Variants in LARP1B observed in about 807,000 individuals in gnomAD.
LARP1B encodes la-related protein 1B.
Under a neutral mutation model 114.2 loss-of-function variants are expected in LARP1B, and 76 were observed. The observed-to-expected ratio is 0.67, with a 90% CI of 0.55 to 0.81. LARP1B has a LOEUF of 0.81. Among genes scored for constraint, LARP1B ranks in the 30% least tolerant of loss-of-function variants. The pLI is 0.00. For synonymous variants in LARP1B, 345 were observed against 348.0 expected, an observed-to-expected ratio of 0.99 and a Z score of 0.10; for missense variants, 1,014 against 1,075.8, an observed-to-expected ratio of 0.94 and a Z score of 0.80.
chr4:128,199,273 A>G (rs932191619), intron 15 of LARP1B, among the ~76,000 whole-genome samples, 166 bp from the exon 16 acceptor site: 23 of 152,354 alleles, frequency 1.5e-4, no homozygotes, highest in African/African-American at 4.1e-4. Flanking sequence ...TTGAACATAA[A>G]TAGCACTATA....
intron 6 of LARP1B, among the ~76,000 whole-genome samples, chr4:128,217,027 A>T (rs1049435490): frequency 6.6e-6 from 1 of 151,362 alleles, no homozygotes; most frequent in Non-Finnish European, 1.5e-5. Flanking sequence ...CTACGCAAAT[A>T]AACTAGAAAA....
At chr4:128,139,052 A>T (rs941096235) in intron 11 of LARP1B, among the ~76,000 whole-genome samples, 2 of 152,242 alleles carry the variant, frequency 1.3e-5, no homozygotes, top group Non-Finnish European at 2.9e-5. Context: ...TCATTTCAAG[A>T]TCATGGATTA....
chr4:128,221,168 A>G (rs1759996594), intron 7 of LARP1B, among the ~76,000 whole-genome samples: 1 of 152,218 alleles, frequency 6.6e-6, no homozygotes. Flanking sequence ...TTTACAATAT[A>G]TGCTAAATCT....
At chr4:128,104,415 A>C (rs2149766130) in intron 8 of LARP1B, among the ~76,000 whole-genome samples, 1 of 152,162 alleles carries the variant, frequency 6.6e-6, no homozygotes, top group South Asian at 2.1e-4. Context: ...CATTGTATGA[A>C]TATAACAGTT....
At chr4:128,122,414 T>C (rs1788236741) in intron 11 of LARP1B, 3 of 1,490,244 alleles carry the variant, frequency 2.0e-6, no homozygotes, top group Admixed American at 4.6e-5. Context: ...AAAAGAAAAT[T>C]AGTACTCACT....
intron 1 of LARP1B, among the ~76,000 whole-genome samples, chr4:128,063,177 A>G (rs867010010): frequency 6.6e-6 from 1 of 152,114 alleles, no homozygotes; most frequent in Non-Finnish European, 1.5e-5. Context: ...CTGTAATCCC[A>G]GCACTTTGGG....
downstream of LARP1B, among the ~76,000 whole-genome samples, chr4:128,216,569 A>C (rs1335541578): frequency 6.6e-6 from 1 of 150,552 alleles, no homozygotes; most frequent in African/African-American, 2.5e-5. Context: ...AAATGAAGGC[A>C]GAAATAAAGA....
intron 10 of LARP1B, 116 bp downstream of exon 10, chr4:128,114,858 A>C: frequency 1.2e-6 from 1 of 850,556 alleles, no homozygotes; most frequent in Non-Finnish European, 1.8e-6. Flanking sequence ...CACAATTTTA[A>C]CTTTGTAATT....
chr4:128,176,419 G>C (rs543960998), intron 12 of LARP1B, among the ~76,000 whole-genome samples: 3 of 150,758 alleles, frequency 2.0e-5, no homozygotes, highest in African/African-American at 7.3e-5. Context: ...TCAGCCTCCC[G>C]AGTAGCTGGG....
At chr4:128,107,621 G>A in intron 9 of LARP1B, 1 of 1,400,276 alleles carries the variant, frequency 7.1e-7, no homozygotes, top group Non-Finnish European at 9.2e-7. Context: ...GTTTTCCCCT[G>A]TAAAATTGGA....
rs1025818191 is a variant in LARP1B, at chr4:128,115,472, G to A, written c.1161+730G>A. Among the ~76,000 whole-genome samples, 89 of 152,228 alleles carry A rather than the reference G, an allele frequency of 5.8e-4. 1 individual carries two copies. The highest frequency in any genetic ancestry group is 5.9e-5 in the Non-Finnish European group (4 of 68,014). ...TGTGGTCTCAGCTACTCAGGAGGCT[G>A]AGACAGGAGGAACACTTGAGCTCAG... On this transcript the variant is annotated intron_variant, in intron 10 of 19. Transcript: ENST00000326639.
chr4:128,136,685 C>T (rs1167298644), intron 11 of LARP1B, among the ~76,000 whole-genome samples: 8 of 152,176 alleles, frequency 5.3e-5, no homozygotes, highest in Non-Finnish European at 1.2e-4. Context: ...TAGACCTCCA[C>T]TGGTATATAA....
chr4:128,130,806 C>G lies in LARP1B; in HGVS notation c.1524+8618C>G, dbSNP rs948507806. 4.0e-4 allele frequency among the ~76,000 whole-genome samples: 61 copies of G among 152,266 alleles called. 1 individual carries two copies. The highest frequency in any genetic ancestry group is 3.7e-3 in the Admixed American group (56 of 15,294). On this transcript the variant is annotated intron_variant, in intron 11 of 19. Transcript: ENST00000326639. ...GTCTTTGAATAGGTGGATGGATAAA[C>G]AAGCTGTGGTACATTCAGACAATGG...
intron 6 of LARP1B, among the ~76,000 whole-genome samples, chr4:128,219,972 G>T (rs1478496994): frequency 6.6e-6 from 1 of 152,144 alleles, no homozygotes; most frequent in African/African-American, 2.4e-5. Flanking sequence ...TGTAACCTCT[G>T]TCTACCAGGT....
At chr4:128,193,991 C>T (rs1028329561) in intron 15 of LARP1B, among the ~76,000 whole-genome samples, 4 of 152,152 alleles carry the variant, frequency 2.6e-5, no homozygotes, top group Non-Finnish European at 5.9e-5. Flanking sequence ...TGATTCTTTC[C>T]TTAGCTGTTC....
chr4:128,096,239 C>T (rs899924215), intron 7 of LARP1B, among the ~76,000 whole-genome samples: 5 of 152,076 alleles, frequency 3.3e-5, no homozygotes, highest in East Asian at 1.9e-4. Context: ...GTGATCCGCC[C>T]GCCTCGGCCT....
At position 128,121,830 on chromosome 4, in the gene LARP1B, C is replaced by A; in HGVS notation, c.1166C>A (p.Ser389Ter). 1 of 1,526,456 alleles carries A rather than the reference C, an allele frequency of 6.6e-7. No individual in the cohort carries two copies. The highest frequency in any genetic ancestry group is 8.8e-7 in the Non-Finnish European group (1 of 1,138,570). The allele number at this position is 1,526,456 out of a possible 1,614,324, so 94.6% of individuals were successfully genotyped here. Residue 389 changes from serine (S) to a stop codon, truncating the protein, a stop_gained, in exon 11 of 20, where the codon TCA becomes TAA. Transcript: ENST00000326639. LOFTEE classifies it high-confidence loss of function. ...ATTACCAATTTCTTCCTTCAGGAAT[C>A]AGTGTCTGTCCCTGAAGGGTCATTA... ...HQPAPVKLRE[S>*]VSVPEGSLNQ...
rs529237979 is a variant in LARP1B at position 128,114,460 on chromosome 4, C to A, written c.989-110C>A. The A allele has an allele frequency of 2.6e-4, 202 of 776,254 alleles. No homozygotes were observed. The African/African-American group carries it at 3.3e-3, about 12-fold the overall frequency. 48.1% of individuals were successfully genotyped at this position (776,254 alleles called of 1,614,324 possible). A position where few individuals can be genotyped will look rare whatever the true frequency, so the allele number is the denominator to read the frequency against. On this transcript the variant is annotated intron_variant, in intron 9 of 19. Coordinates refer to ENST00000326639, the MANE Select transcript of LARP1B (RefSeq NM_018078.4). ...TGGAAAGCTTACAGTTGAGACTGAT[C>A]ATGTTTTTGTGAAAAAATATCAAGC...
At chr4:128,072,887 G>A (rs114002168) in intron 1 of LARP1B, among the ~76,000 whole-genome samples, 4,053 of 152,094 alleles carry the variant, frequency 0.027, 168 homozygotes, top group African/African-American at 0.093. Flanking sequence ...TTAAAACCTG[G>A]TGGACTTCTT....
Sources: allele counts gnomAD v4.1 joint callset (sites outside exome capture counted in the v4.1 genomes callset), GRCh38; gene constraint gnomAD v4.1.1; transcripts MANE v1.5; gene names NCBI Gene and HGNC (gene_info 2026-07-23, HGNC 2026-07-21).